The following LRRK1 variants were observed in gnomAD, a reference collection of about 807,000 sequenced individuals.
The protein encoded by LRRK1 is leucine-rich repeat serine/threonine-protein kinase 1.
LRRK1 carries 113 observed loss-of-function variants against 209.1 expected under a neutral mutation model. The observed-to-expected ratio is 0.54, with a 90% confidence interval of 0.46 to 0.63. The LOEUF is 0.63. Ranked by LOEUF, LRRK1 falls within the 30% of genes least tolerant of loss-of-function variation. The pLI is 0.00. For missense variants in LRRK1, 2,284 were observed against 2,632.2 expected, an observed-to-expected ratio of 0.87 and a Z score of 2.89; for synonymous variants, 1,144 against 1,099.7, an observed-to-expected ratio of 1.04 and a Z score of -0.80.
At chr15:100,960,424 GGACT>G (rs921514279) in intron 2 of LRRK1, among the ~76,000 whole-genome samples, 4 of 152,010 alleles carry the variant, frequency 2.6e-5, no homozygotes, top group African/African-American at 9.7e-5. Context: ...AATCGGAGTA[GGACT>G]GACTGTGTGT....
At chr15:100,927,783 T>G in intron 2 of LRRK1, among the ~76,000 whole-genome samples, 1 of 152,254 alleles carries the variant, frequency 6.6e-6, no homozygotes, top group Non-Finnish European at 1.5e-5. Flanking sequence ...ATACCCATAC[T>G]CAGAGTTTTA....
chr15:101,003,428 C>G (rs1022159785), intron 6 of LRRK1, among the ~76,000 whole-genome samples: 1 of 152,138 alleles, frequency 6.6e-6, no homozygotes, highest in African/African-American at 2.4e-5. Context: ...CTGTATTATT[C>G]TCTTTTTACA....
At position 101,070,345 on chromosome 15, in the gene LRRK1, G is replaced by T. The variant is rs1393518621; in HGVS notation, c.*1497G>T. 1 of 142,454 alleles carries T rather than the reference G, an allele frequency of 7.0e-6. No individual in the cohort carries two copies. Among genetic ancestry groups the T allele is most frequent in the African/African-American group, 2.7e-5 (1 of 36,858 alleles). The allele number at this position is 142,454 out of a possible 1,614,324, so 8.8% of individuals were successfully genotyped here. On this transcript the variant is annotated 3_prime_UTR_variant, in exon 34 of 34. Coordinates refer to ENST00000388948, the MANE Select transcript of LRRK1 (RefSeq NM_024652.6). ...TTTTTTTTTTTTTTTACCAACCTGG[G>T]CACCAAGTCCCAGGGGGCTGAGGGT... is the stretch of plus-strand genomic sequence containing the variant.
At chr15:101,003,361 T>A (rs2032794215) in intron 6 of LRRK1, among the ~76,000 whole-genome samples, 1 of 152,186 alleles carries the variant, frequency 6.6e-6, no homozygotes, top group African/African-American at 2.4e-5. Context: ...ACAGGCAACA[T>A]CTGCTTTCTC....
Position 101,069,099 on chromosome 15 carries a change from T to C in LRRK1, c.*251T>C. 1 of 385,520 alleles carries C rather than the reference T, an allele frequency of 2.6e-6. No homozygotes were observed. Among genetic ancestry groups the C allele is most frequent in the African/African-American group, 2.0e-5 (1 of 48,842 alleles). The allele number at this position is 385,520 out of a possible 1,614,324, so 23.9% of individuals were successfully genotyped here. A position where few individuals can be genotyped will look rare whatever the true frequency, so the allele number is the denominator to read the frequency against. Reference sequence around the variant, plus strand: ...GATTTTACAGCCCCAGGGAAGACAGTGGTATCAGGCTGGGAGCGGCCTCCT... The same window carrying C: ...GATTTTACAGCCCCAGGGAAGACAGCGGTATCAGGCTGGGAGCGGCCTCCT... On this transcript the variant is annotated 3_prime_UTR_variant, in exon 34 of 34. Coordinates refer to ENST00000388948, the MANE Select transcript of LRRK1 (RefSeq NM_024652.6).
At chr15:101,039,539 G>T (rs2034644860) in intron 20 of LRRK1, among the ~76,000 whole-genome samples, 1 of 152,124 alleles carries the variant, frequency 6.6e-6, no homozygotes, top group African/African-American at 2.4e-5. Flanking sequence ...AAAAAAGACA[G>T]TTTTACTTTT....
chr15:101,038,609 A>G (rs1230436686), intron 20 of LRRK1, among the ~76,000 whole-genome samples: 1 of 152,138 alleles, frequency 6.6e-6, no homozygotes, highest in African/African-American at 2.4e-5. Flanking sequence ...AGTCTCTCTC[A>G]GCTCTCAGCC....
chr15:100,938,567 C>G (rs186605743), intron 2 of LRRK1, among the ~76,000 whole-genome samples: 1 of 152,024 alleles, frequency 6.6e-6, no homozygotes, highest in Non-Finnish European at 1.5e-5. Flanking sequence ...CTGCCATCCT[C>G]CCTCCTTCCC....
chr15:100,968,600 T>TA (rs201937042), intron 2 of LRRK1, among the ~76,000 whole-genome samples: 1 of 152,164 alleles, frequency 6.6e-6, no homozygotes, highest in Non-Finnish European at 1.5e-5. Flanking sequence ...GCTTTTTGAA[T>TA]ATTTTTTTGC....
intron 10 of LRRK1, among the ~76,000 whole-genome samples, chr15:101,012,827 G>A (rs368765965): frequency 2.0e-5 from 3 of 152,174 alleles, no homozygotes; most frequent in Non-Finnish European, 4.4e-5. Context: ...CTCCTGACAA[G>A]CACAGGGCAA....
chr15:101,024,747 G>A lies in LRRK1; in HGVS notation c.2068-56G>A, dbSNP rs1161020775. Reference sequence around the variant, plus strand: ...AGTTATCCGTTGTCTCCGTTTGATTGACTGAAGCCTTTGTCTCTAAAATGC... The same window carrying A: ...AGTTATCCGTTGTCTCCGTTTGATTAACTGAAGCCTTTGTCTCTAAAATGC... On this transcript the variant is annotated intron_variant, in intron 15 of 33. Transcript: ENST00000388948. This position sits in a 1 kb window ranked among gnomAD's most constrained non-coding sequence, Gnocchi z 4.6. 2 of 1,569,688 alleles carry A rather than the reference G, an allele frequency of 1.3e-6. No individual in the cohort carries two copies. The highest frequency in any genetic ancestry group is 2.7e-5 in the African/African-American group (2 of 73,972).
In LRRK1 at chr15:101,014,381, C is replaced by T; in HGVS notation, c.1485C>T (p.Thr495=). 6.2e-7 allele frequency: 1 copy of T among 1,613,984 alleles called. No individual in the cohort carries two copies. Among genetic ancestry groups the T allele is most frequent in the South Asian group, 1.1e-5 (1 of 91,064 alleles). ...CACTTCCACCTCAAGAGAAGTGGAC[C>T]TGCAGGCAGCTCAAAACCCTGGATC... The part of the protein sequence containing the change: ...LAALPPQEKW[T]CRQLKTLDLS... The change falls in exon 11 of 34, where the codon ACC becomes ACT. Residue 495 remains threonine, a synonymous_variant. Coordinates refer to ENST00000388948, the MANE Select transcript of LRRK1 (RefSeq NM_024652.6).
At chr15:100,992,565 T>A (rs534232976) in intron 6 of LRRK1, among the ~76,000 whole-genome samples, 42 of 152,366 alleles carry the variant, frequency 2.8e-4, no homozygotes, top group African/African-American at 1.0e-3. Flanking sequence ...ACTTGATAGA[T>A]TTTTTAAAAT....
intron 2 of LRRK1, among the ~76,000 whole-genome samples, chr15:100,941,290 C>CTATG (rs1349912493): frequency 7.1e-5 from 2 of 28,232 alleles, no homozygotes; most frequent in African/African-American, 4.4e-4. Flanking sequence ...GTGTGTGTGT[C>CTATG]TGTGTGTGTC....
intron 12 of LRRK1, among the ~76,000 whole-genome samples, chr15:101,015,791 G>A (rs1201487581): frequency 2.6e-5 from 4 of 152,174 alleles, no homozygotes; most frequent in African/African-American, 4.8e-5. Flanking sequence ...GGGTGTCTGA[G>A]CTTGGCTGCC....
At chr15:100,946,436 T>C (rs1480581318) in intron 2 of LRRK1, among the ~76,000 whole-genome samples, 1 of 152,172 alleles carries the variant, frequency 6.6e-6, no homozygotes, top group African/African-American at 2.4e-5. Context: ...TGTGGCAATC[T>C]GAAAATAGGC....
At chr15:101,067,421 ATGTGTGTGTG>A (rs57333844) in intron 33 of LRRK1, 8,471 of 296,822 alleles carry the variant, frequency 0.029, 186 homozygotes, top group African/African-American at 0.092. Context: ...CTCAGTTCAA[ATGTGTGTGTG>A]TGTGTGTGTG....
intron 2 of LRRK1, among the ~76,000 whole-genome samples, chr15:100,953,387 T>C (rs1416443180): frequency 6.6e-6 from 1 of 152,138 alleles, no homozygotes; most frequent in African/African-American, 2.4e-5. Flanking sequence ...GTATTTGTCT[T>C]CTGTGTCTGG....
intron 2 of LRRK1, among the ~76,000 whole-genome samples, chr15:100,926,093 C>T (rs1174863141): frequency 2.0e-5 from 3 of 152,262 alleles, no homozygotes; most frequent in Non-Finnish European, 2.9e-5. Flanking sequence ...TGTCGTTTCA[C>T]ATCCATCACA....
Sources: allele counts gnomAD v4.1 joint callset (sites outside exome capture counted in the v4.1 genomes callset), GRCh38; gene constraint gnomAD v4.1.1; non-coding constraint Gnocchi (gnomAD v3.1); transcripts MANE v1.5; gene names NCBI Gene and HGNC (gene_info 2026-07-23, HGNC 2026-07-21).